Variants in MTSS1 observed in about 807,000 individuals in gnomAD.
MTSS1 encodes the protein MTSS I-BAR domain containing 1.
Under a neutral mutation model 79.0 loss-of-function variants are expected in MTSS1, and 18 were observed. That is an observed-to-expected ratio of 0.23 (90% CI 0.16 to 0.34). The LOEUF (loss-of-function observed/expected upper bound fraction) is 0.34, where lower values mean the gene tolerates loss of function less well. MTSS1 is among the 10% of genes least tolerant of loss of function. The probability of loss-of-function intolerance (pLI) is 1.00; values close to 1 mark genes in which losing one functional copy is unlikely to be tolerated. For missense variants in MTSS1, 815 were observed against 986.2 expected (o/e 0.83, Z 2.33); for synonymous variants, 341 against 368.6 (o/e 0.93, Z 0.86).
chr8:124,605,451 G>A (rs1008001385), intron 3 of MTSS1, among the ~76,000 whole-genome samples: 1 of 152,200 alleles, frequency 6.6e-6, no homozygotes, highest in Non-Finnish European at 1.5e-5. Flanking sequence ...GAATCAGGGA[G>A]TTAGTGTTCT....
rs778732914 is a variant in MTSS1 at position 124,553,110 on chromosome 8, G to T, written c.2150C>A (p.Pro717His). ...VSPGQIPESDPADLSPRDTPQ... is the reference protein window; with the variant it reads ...VSPGQIPESDHADLSPRDTPQ... ...AGTATCCCTTGGGCTCAGGTCTGCA[G>T]GGTCACTCTCTGGAATCTGGCCTGG... The change falls in exon 14 of 14, where the codon CCT becomes CAT. Residue 717 changes from proline to histidine, a missense_variant. Transcript: ENST00000518547. The surrounding 1 kb of genome is among the most constrained non-coding windows in gnomAD (Gnocchi z 6.0). 1.9e-6 allele frequency: 3 copies of T among 1,614,098 alleles called. No homozygotes were observed. The highest frequency in any genetic ancestry group is 2.5e-6 in the Non-Finnish European group (3 of 1,180,012).
intron 3 of MTSS1, among the ~76,000 whole-genome samples, chr8:124,594,960 T>C (rs1217922915): frequency 1.3e-5 from 2 of 152,206 alleles, no homozygotes; most frequent in East Asian, 1.9e-4. Context: ...CGAGTGGGCA[T>C]ATTTGTGGAA....
intron 3 of MTSS1, among the ~76,000 whole-genome samples, chr8:124,615,933 G>C (rs1430052307): frequency 6.6e-6 from 1 of 152,280 alleles, no homozygotes. Context: ...TGCCCCAGAC[G>C]CTATGGCTAT....
chr8:124,576,539 C>G (rs1043878568), intron 6 of MTSS1, among the ~76,000 whole-genome samples: 3 of 152,038 alleles, frequency 2.0e-5, no homozygotes, highest in Non-Finnish European at 4.4e-5. Flanking sequence ...TAGCAGCTAA[C>G]AGAGTCTAGC....
At chr8:124,613,325 G>A (rs971156902) in intron 3 of MTSS1, among the ~76,000 whole-genome samples, 4 of 152,182 alleles carry the variant, frequency 2.6e-5, no homozygotes, top group African/African-American at 9.7e-5. Flanking sequence ...GATTGAATGA[G>A]ATAATCCAAG....
chr8:124,618,091 G>A (rs931523033), intron 3 of MTSS1, among the ~76,000 whole-genome samples: 2 of 152,146 alleles, frequency 1.3e-5, no homozygotes, highest in African/African-American at 2.4e-5. Context: ...TTCTCAAGAT[G>A]CCTTTGAACA....
chr8:124,634,831 G>A (rs545340808), intron 3 of MTSS1, among the ~76,000 whole-genome samples: 197 of 152,320 alleles, frequency 1.3e-3, no homozygotes, highest in African/African-American at 4.6e-3. Flanking sequence ...ACCCATCTGT[G>A]CTGGACTTGC....
At chr8:124,599,259 C>T (rs923117784) in intron 3 of MTSS1, among the ~76,000 whole-genome samples, 2 of 152,012 alleles carry the variant, frequency 1.3e-5, no homozygotes, top group African/African-American at 4.8e-5. Context: ...CGAGGCGGGC[C>T]GATTGCCTGA....
At chr8:124,707,950 G>A (rs1057242279) in intron 1 of MTSS1, among the ~76,000 whole-genome samples, 1 of 152,186 alleles carries the variant, frequency 6.6e-6, no homozygotes, top group African/African-American at 2.4e-5. Flanking sequence ...GCCTGGGCAG[G>A]GAGCACTGGG....
chr8:124,627,002 G>A lies in MTSS1; in HGVS notation c.209-35767C>T, dbSNP rs989623063. 3.9e-5 allele frequency among the ~76,000 whole-genome samples: 6 copies of A among 152,058 alleles called. No individual in the cohort carries two copies. The East Asian group carries it at 7.7e-4, about 20-fold the overall frequency. ...CAGGGGTTGGACACGAACCTGTCAC[G>A]CAACATTGCTTCATTCCTCGAGTCC... is the stretch of plus-strand genomic sequence containing the variant. On this transcript the variant is annotated intron_variant, in intron 3 of 13. Transcript: ENST00000518547.
Position 124,597,481 on chromosome 8 carries a change from C to G in MTSS1, c.209-6246G>C, listed in dbSNP as rs984065268. Among the ~76,000 whole-genome samples the G allele has an allele frequency of 2.0e-5, 3 of 152,152 alleles. No individual in the cohort carries two copies. Among genetic ancestry groups the G allele is most frequent in the Admixed American group, 2.0e-4 (3 of 15,282 alleles). ...TAAGAAAAGCAAAGTTTCCTTGCCCCCTAAAGTCCGAAGTCAGATTGCCCC... is the reference window on the plus strand; with the variant it reads ...TAAGAAAAGCAAAGTTTCCTTGCCCGCTAAAGTCCGAAGTCAGATTGCCCC... On this transcript the variant is annotated intron_variant, in intron 3 of 13. Transcript: ENST00000518547. The surrounding 1 kb of genome is among the most constrained non-coding windows in gnomAD (Gnocchi z 4.6).
At chr8:124,708,424 C>A (rs1460982925) in intron 1 of MTSS1, among the ~76,000 whole-genome samples, 1 of 152,172 alleles carries the variant, frequency 6.6e-6, no homozygotes, top group African/African-American at 2.4e-5. Context: ...AGACTGGAAC[C>A]CCCCTTTTAG....
chr8:124,725,415 C>T (rs1465177167), intron 1 of MTSS1, among the ~76,000 whole-genome samples: 1 of 152,112 alleles, frequency 6.6e-6, no homozygotes, highest in Admixed American at 6.5e-5. Flanking sequence ...TGCTGCTGTA[C>T]ATTTTGAAGA....
At chr8:124,650,787 A>G (rs1480384088) in intron 3 of MTSS1, among the ~76,000 whole-genome samples, 3 of 152,148 alleles carry the variant, frequency 2.0e-5, no homozygotes, top group Non-Finnish European at 4.4e-5. Flanking sequence ...TGACTTATCC[A>G]CTGCTCCAGA....
chr8:124,570,706 A>C (rs1827580586), intron 6 of MTSS1, among the ~76,000 whole-genome samples: 2 of 151,978 alleles, frequency 1.3e-5, no homozygotes, highest in African/African-American at 4.8e-5. Flanking sequence ...TCTCTGCATA[A>C]TTTTCTCCTT....
chr8:124,596,880 T>C (rs965699119), intron 3 of MTSS1, among the ~76,000 whole-genome samples: 9 of 152,096 alleles, frequency 5.9e-5, no homozygotes, highest in African/African-American at 2.2e-4. Context: ...GGCATTCCTG[T>C]GTGTGTGTGT....
chr8:124,658,683 G>A (rs1587639138), intron 3 of MTSS1, among the ~76,000 whole-genome samples: 2 of 152,222 alleles, frequency 1.3e-5, no homozygotes, highest in East Asian at 3.9e-4. Context: ...AGAAGGGGGA[G>A]GTGCCACACA....
intron 3 of MTSS1, among the ~76,000 whole-genome samples, chr8:124,644,459 T>C (rs747391716): frequency 1.3e-5 from 2 of 152,260 alleles, no homozygotes; most frequent in Non-Finnish European, 2.9e-5. Flanking sequence ...AGATTCTTGA[T>C]GCATTTACCA....
chr8:124,639,096 G>A (rs899130477), intron 3 of MTSS1, among the ~76,000 whole-genome samples: 3 of 152,192 alleles, frequency 2.0e-5, no homozygotes, highest in Admixed American at 1.3e-4. Flanking sequence ...CAGCACTTTG[G>A]GAGGCCAAGG....
Sources: gnomAD v4.1 joint callset for allele counts (sites outside exome capture counted in the v4.1 genomes callset) on GRCh38, gnomAD v4.1.1 for gene constraint, Gnocchi (gnomAD v3.1) non-coding constraint, MANE v1.5 for transcripts, NCBI Gene and HGNC (gene_info 2026-07-23, HGNC 2026-07-21) for gene names.